TLK2: variants seen among roughly 807,000 people sequenced by gnomAD.
The protein encoded by TLK2 is serine/threonine-protein kinase tousled-like 2.
In TLK2, 6 loss-of-function variants were observed where a neutral mutation model predicts 117.3. The ratio of observed to expected loss-of-function variants is 0.05; its 90% confidence interval spans 0.03 to 0.10. TLK2 has a LOEUF of 0.10. Ranked by LOEUF, TLK2 falls within the 10% of genes least tolerant of loss-of-function variation. The probability of loss-of-function intolerance (pLI) is 1.00; values close to 1 mark genes in which losing one functional copy is unlikely to be tolerated. For synonymous variants in TLK2, 257 were observed against 316.7 expected (o/e 0.81, Z 2.00); for missense variants, 299 against 901.2 (o/e 0.33, Z 8.56).
At position 62,608,201 on chromosome 17, in the gene TLK2, A is replaced by G. The variant is rs753785318; in HGVS notation, c.2079+53A>G. The G allele has an allele frequency of 1.3e-5, 19 of 1,475,134 alleles. No homozygotes were observed. In the Admixed American group the frequency reaches 3.3e-4, roughly 26 times the overall value. 91.4% of individuals were successfully genotyped at this position (1,475,134 alleles called of 1,614,324 possible). On this transcript the variant is annotated intron_variant, in intron 21 of 21. Transcript: ENST00000346027. ...CAGAAACGGCTGCTTTGCTTTCTGT[A>G]TTACTTTTTTGGGTAATAGTGGATG... is the stretch of plus-strand genomic sequence containing the variant.
intron 14 of TLK2, among the ~76,000 whole-genome samples, chr17:62,579,186 T>C (rs935960248): frequency 6.6e-6 from 1 of 152,240 alleles, no homozygotes; most frequent in Non-Finnish European, 1.5e-5. Flanking sequence ...ATATGAGCTT[T>C]GGACCTGTCT....
chr17:62,576,100 A>G (rs1421643651), intron 12 of TLK2, among the ~76,000 whole-genome samples: 2 of 152,210 alleles, frequency 1.3e-5, no homozygotes, highest in East Asian at 3.8e-4. Context: ...AGCATTTTCA[A>G]TATTCTTTAT....
At chr17:62,470,981 G>GT (rs2070930877) in exon 1 of TLK2, 2 of 152,508 alleles carry the variant, frequency 1.3e-5, no homozygotes, top group Admixed American at 6.5e-5. Context: ...TGCAGGCACT[G>GT]TCATGTTCAT....
chr17:62,521,171 T>C (rs1485665858), intron 3 of TLK2, among the ~76,000 whole-genome samples: 1 of 152,102 alleles, frequency 6.6e-6, no homozygotes, highest in Non-Finnish European at 1.5e-5. Flanking sequence ...ACAGAAAAGA[T>C]AGCACTGCTT....
chr17:62,588,112 A>G (rs1343451207), intron 16 of TLK2, among the ~76,000 whole-genome samples: 2 of 149,052 alleles, frequency 1.3e-5, no homozygotes, highest in Non-Finnish European at 3.0e-5. Flanking sequence ...TATGTATAAA[A>G]TATACGTATA....
intron 6 of TLK2, among the ~76,000 whole-genome samples, chr17:62,535,706 T>C (rs1434057242): frequency 6.6e-6 from 1 of 151,612 alleles, no homozygotes; most frequent in Non-Finnish European, 1.5e-5. Flanking sequence ...GAGACAGAGG[T>C]TGCATGCAGT....
intron 2 of TLK2, chr17:62,516,261 GTTC>G: frequency 2.4e-6 from 2 of 847,424 alleles, no homozygotes; most frequent in South Asian, 1.5e-5. Flanking sequence ...TATAGTTTTA[GTTC>G]TTTTTTTTTT....
intron 2 of TLK2, among the ~76,000 whole-genome samples, chr17:62,492,181 C>T (rs1468487467): frequency 6.6e-6 from 1 of 152,112 alleles, no homozygotes; most frequent in Non-Finnish European, 1.5e-5. Context: ...CCTTCAGGAA[C>T]AAAGGTTCTA....
chr17:62,576,212 A>G (rs144001827), intron 12 of TLK2, among the ~76,000 whole-genome samples: 228 of 152,352 alleles, frequency 1.5e-3, no homozygotes, highest in Non-Finnish European at 2.4e-3. Flanking sequence ...GCAAGGTCAC[A>G]TGGCCAGTAG....
intron 6 of TLK2, among the ~76,000 whole-genome samples, chr17:62,526,178 C>T (rs1361148184): frequency 6.6e-6 from 1 of 152,152 alleles, no homozygotes; most frequent in Non-Finnish European, 1.5e-5. Flanking sequence ...AAGCTTAATC[C>T]TCCACCTTTT....
chr17:62,604,555 C>G (rs575797266), intron 19 of TLK2, among the ~76,000 whole-genome samples: 1 of 152,244 alleles, frequency 6.6e-6, no homozygotes, highest in East Asian at 1.9e-4. Context: ...GGTGGAGAAA[C>G]TGAGACCTAG....
At chr17:62,487,518 CAA>C (rs545506997) in intron 2 of TLK2, among the ~76,000 whole-genome samples, 24 of 56,286 alleles carry the variant, frequency 4.3e-4, no homozygotes, top group Admixed American at 7.0e-4. Context: ...GCCTCCGTCT[CAA>C]AAAAAAAAAA....
At chr17:62,528,537 C>T (rs1315284909) in intron 6 of TLK2, among the ~76,000 whole-genome samples, 3 of 152,138 alleles carry the variant, frequency 2.0e-5, no homozygotes, top group Non-Finnish European at 4.4e-5. Flanking sequence ...CTGCCTCAGC[C>T]TCCCGAGTAG....
chr17:62,559,221 C>T (rs564975693), intron 9 of TLK2, among the ~76,000 whole-genome samples: 5 of 152,156 alleles, frequency 3.3e-5, no homozygotes, highest in African/African-American at 9.6e-5. Flanking sequence ...TGGGCATGGG[C>T]GTGCCTGGCT....
intron 6 of TLK2, among the ~76,000 whole-genome samples, chr17:62,532,695 G>A (rs1033439925): frequency 6.6e-6 from 1 of 152,114 alleles, no homozygotes; most frequent in African/African-American, 2.4e-5. Flanking sequence ...AGATATACAT[G>A]TATGTTTATA....
intron 9 of TLK2, among the ~76,000 whole-genome samples, chr17:62,558,259 TC>T (rs2079008935): frequency 6.6e-6 from 1 of 151,464 alleles, no homozygotes; most frequent in Non-Finnish European, 1.5e-5. Context: ...AGCCTCGACC[TC>T]CCAGGCTCAA....
At chr17:62,584,313 G>T (rs1253803417) in intron 15 of TLK2, among the ~76,000 whole-genome samples, 1 of 151,110 alleles carries the variant, frequency 6.6e-6, no homozygotes, top group Non-Finnish European at 1.5e-5. Flanking sequence ...TAGAGACAGG[G>T]TTTCACCATG....
At position 62,479,097 on chromosome 17, in the gene TLK2, G is replaced by GCC. The variant is rs1166277289; in HGVS notation, c.-193_-192dup. ...GAGCCCGGGGATCTGCGGCCTTCGT[G>GCC]CCCCCCCTCCCCCGCCCGCCCTCTC... On this transcript the variant is annotated 5_prime_UTR_variant, in exon 1 of 22. Coordinates refer to ENST00000346027, the MANE Select transcript of TLK2 (RefSeq NM_006852.6). 6.7e-6 allele frequency: 1 copy of GCC among 149,986 alleles called. No individual in the cohort carries two copies. Among genetic ancestry groups the GCC allele is most frequent in the East Asian group, 2.0e-4 (1 of 5,066 alleles). 9.3% of individuals were successfully genotyped at this position (149,986 alleles called of 1,614,324 possible). A position where few individuals can be genotyped will look rare whatever the true frequency, so the allele number is the denominator to read the frequency against.
chr17:62,600,962 GA>G (rs913522652), intron 18 of TLK2, 142 bp downstream of exon 18: 18 of 802,498 alleles, frequency 2.2e-5, no homozygotes, highest in Admixed American at 3.2e-5. Flanking sequence ...GTAGGTGTGG[GA>G]AAAAAGAGTC....
Sources: gnomAD v4.1 joint callset for allele counts (sites outside exome capture counted in the v4.1 genomes callset) on GRCh38, gnomAD v4.1.1 for gene constraint, MANE v1.5 for transcripts, NCBI Gene and HGNC (gene_info 2026-07-23, HGNC 2026-07-21) for gene names.